The following NELL1 variants were observed in gnomAD, a reference collection of about 807,000 sequenced individuals.
NELL1 encodes the protein protein kinase C-binding protein NELL1.
Under a neutral mutation model 107.4 loss-of-function variants are expected in NELL1, and 76 were observed. The ratio of observed to expected loss-of-function variants is 0.71; its 90% CI spans 0.59 to 0.86. The LOEUF (loss-of-function observed/expected upper bound fraction) is 0.86. Among genes scored for constraint, NELL1 ranks in the 40% least tolerant of loss-of-function variants. NELL1 has a pLI of 0.00. For missense variants in NELL1, 1,024 were observed against 1,005.5 expected (o/e 1.02, Z -0.25); for synonymous variants, 353 against 341.2 (o/e 1.03, Z -0.38).
At chr11:21,505,742 C>G (rs1855262950) in intron 15 of NELL1, among the ~76,000 whole-genome samples, 1 of 152,190 alleles carries the variant, frequency 6.6e-6, no homozygotes, top group South Asian at 2.1e-4. Context: ...GCTCCCTGCT[C>G]TTCTAAAGCA....
chr11:21,110,218 AATT>A (rs1227791559), intron 12 of NELL1, among the ~76,000 whole-genome samples: 1 of 152,132 alleles, frequency 6.6e-6, no homozygotes, highest in Non-Finnish European at 1.5e-5. Flanking sequence ...AGTACCAGGA[AATT>A]ATTAGATATG....
At chr11:21,057,937 A>G (rs895649375) in intron 12 of NELL1, among the ~76,000 whole-genome samples, 11 of 152,104 alleles carry the variant, frequency 7.2e-5, no homozygotes, top group Admixed American at 5.9e-4. Context: ...GCTTTCTCCT[A>G]TAGGCAGAGT....
intron 15 of NELL1, among the ~76,000 whole-genome samples, chr11:21,463,515 A>T (rs75883062): frequency 0.015 from 2,326 of 152,148 alleles, 60 homozygotes; most frequent in African/African-American, 0.052. Context: ...TAGCTCATGG[A>T]CAACTTTGCA....
intron 2 of NELL1, among the ~76,000 whole-genome samples, chr11:20,746,820 C>A (rs1480911165): frequency 2.0e-5 from 3 of 152,030 alleles, no homozygotes; most frequent in African/African-American, 7.3e-5. Flanking sequence ...ACACAGCTTC[C>A]CAGGTAGTTT....
intron 13 of NELL1, among the ~76,000 whole-genome samples, chr11:21,149,472 A>G (rs12788723): frequency 0.18 from 26,929 of 151,944 alleles, 2,522 homozygotes; most frequent in Non-Finnish European, 0.21. Context: ...GTGAAGGGAA[A>G]CTCCCATTTA....
chr11:20,689,571 T>C (rs1854402881), intron 2 of NELL1, among the ~76,000 whole-genome samples: 1 of 150,070 alleles, frequency 6.7e-6, no homozygotes, highest in Admixed American at 6.6e-5. Flanking sequence ...TTACTGAGAA[T>C]GATGATTTCC....
chr11:21,029,774 A>G (rs1411630409), intron 12 of NELL1, among the ~76,000 whole-genome samples: 1 of 152,222 alleles, frequency 6.6e-6, no homozygotes, highest in Admixed American at 6.5e-5. Context: ...ATTTAAATAA[A>G]GGCAAGAACC....
intron 2 of NELL1, among the ~76,000 whole-genome samples, chr11:20,700,473 C>T (rs976101665): frequency 6.7e-6 from 1 of 150,248 alleles, no homozygotes; most frequent in Non-Finnish European, 1.5e-5. Context: ...AGTGAGACTC[C>T]ATCTCAAAAA....
At chr11:21,323,141 G>C (rs56804317) in intron 14 of NELL1, among the ~76,000 whole-genome samples, 2,722 of 152,250 alleles carry the variant, frequency 0.018, 83 homozygotes, top group African/African-American at 0.062. Context: ...TGCAGCTTTT[G>C]AAGTGGCTTT....
intron 3 of NELL1, among the ~76,000 whole-genome samples, chr11:20,789,791 G>A (rs1237218530): frequency 2.0e-5 from 3 of 152,186 alleles, no homozygotes; most frequent in Admixed American, 1.3e-4. Flanking sequence ...TCCTAATAGA[G>A]AGGAGACCCT....
chr11:21,341,558 C>T (rs933963329), intron 14 of NELL1, among the ~76,000 whole-genome samples: 3 of 152,034 alleles, frequency 2.0e-5, no homozygotes, highest in Non-Finnish European at 4.4e-5. Flanking sequence ...TTATATTAAT[C>T]GGGAGTGAAT....
At chr11:21,193,366 C>G (rs1168042603) in intron 13 of NELL1, among the ~76,000 whole-genome samples, 1 of 151,738 alleles carries the variant, frequency 6.6e-6, no homozygotes, top group African/African-American at 2.4e-5. Context: ...TGTGTGGAAA[C>G]TGGGTAATTT....
At chr11:21,488,196 A>T (rs987903532) in intron 15 of NELL1, among the ~76,000 whole-genome samples, 1 of 152,172 alleles carries the variant, frequency 6.6e-6, no homozygotes, top group Non-Finnish European at 1.5e-5. Flanking sequence ...TTTACAGAAC[A>T]TTTTATTGAA....
At chr11:21,284,431 A>C (rs1849067485) in intron 14 of NELL1, 1 of 457,688 alleles carries the variant, frequency 2.2e-6, no homozygotes, top group South Asian at 1.5e-5. Flanking sequence ...GATGCAAAAA[A>C]GTGATGGCTG....
rs151301432 is a variant in NELL1 at position 20,712,351 on chromosome 11, G to A, written c.184+34291G>A. Among the ~76,000 whole-genome samples the A allele has an allele frequency of 7.1e-3, 1,074 of 151,938 alleles. 8 individuals carry two copies. Among genetic ancestry groups the A allele is most frequent in the African/African-American group, 0.025 (1,025 of 41,444 alleles). Reference sequence around the variant, plus strand: ...TTCTCTGGATAATTTTTCATCCATAGCCTGCATTGTTTTTTAAAATTTCTT... The same window carrying A: ...TTCTCTGGATAATTTTTCATCCATAACCTGCATTGTTTTTTAAAATTTCTT... On this transcript the variant is annotated intron_variant, in intron 2 of 19. Coordinates refer to ENST00000357134, the MANE Select transcript of NELL1 (RefSeq NM_006157.5).
At chr11:21,029,587 G>C (rs999346550) in intron 12 of NELL1, among the ~76,000 whole-genome samples, 2 of 152,066 alleles carry the variant, frequency 1.3e-5, no homozygotes, top group Non-Finnish European at 2.9e-5. Context: ...TGCTAGGGTT[G>C]TCTCTGAAAA....
intron 12 of NELL1, among the ~76,000 whole-genome samples, chr11:20,999,246 T>A (rs995554338): frequency 2.0e-5 from 3 of 152,206 alleles, no homozygotes; most frequent in African/African-American, 7.2e-5. Flanking sequence ...TTTGCTTCTT[T>A]GTTTGCCACA....
chr11:21,362,282 A>C (rs1289993185), intron 14 of NELL1, among the ~76,000 whole-genome samples: 4 of 152,134 alleles, frequency 2.6e-5, no homozygotes, highest in Non-Finnish European at 5.9e-5. Flanking sequence ...CTAGCCACCC[A>C]GCAGAGCTAC....
chr11:20,707,658 T>A (rs2511369), intron 2 of NELL1, among the ~76,000 whole-genome samples: 60,867 of 152,106 alleles, frequency 0.4, 14,244 homozygotes, highest in African/African-American at 0.64. Context: ...TTGCCTGGGT[T>A]TCACCAGTAG....
Sources: allele counts gnomAD v4.1 joint callset (sites outside exome capture counted in the v4.1 genomes callset), GRCh38; gene constraint gnomAD v4.1.1; transcripts MANE v1.5; gene names NCBI Gene and HGNC (gene_info 2026-07-23, HGNC 2026-07-21).